The following FGF12 variants were observed in gnomAD, a reference collection of about 807,000 sequenced individuals.
The protein encoded by FGF12 is fibroblast growth factor 12.
FGF12 carries 14 observed loss-of-function variants against 23.6 expected under a neutral mutation model. The observed-to-expected ratio is 0.59, with a 90% CI of 0.39 to 0.93. FGF12 has a LOEUF of 0.93. Among genes scored for constraint, FGF12 ranks in the 40% least tolerant of loss-of-function variants. The pLI is 0.00. For missense variants in FGF12, 175 were observed against 217.8 expected (o/e 0.80, Z 1.24); for synonymous variants, 62 against 77.3 (o/e 0.80, Z 1.04).
intron 2 of FGF12, among the ~76,000 whole-genome samples, chr3:192,479,232 C>A (rs1723411643): frequency 6.6e-6 from 1 of 152,168 alleles, no homozygotes; most frequent in Non-Finnish European, 1.5e-5. Context: ...GAGACTATAT[C>A]AGTGCCATCT....
At chr3:192,671,765 G>C (rs953006889) in intron 2 of FGF12, among the ~76,000 whole-genome samples, 1 of 146,250 alleles carries the variant, frequency 6.8e-6, no homozygotes, top group Non-Finnish European at 1.5e-5. Context: ...AGCATCTTGT[G>C]CTTCTTGACC....
chr3:192,441,181 T>C (rs1239545790), intron 2 of FGF12, among the ~76,000 whole-genome samples: 1 of 152,198 alleles, frequency 6.6e-6, no homozygotes, highest in Non-Finnish European at 1.5e-5. Flanking sequence ...GCCTCCATTA[T>C]AAATATTGAA....
At chr3:192,329,178 C>A (rs191278884) in intron 4 of FGF12, among the ~76,000 whole-genome samples, 142 of 152,186 alleles carry the variant, frequency 9.3e-4, no homozygotes, top group Admixed American at 2.6e-3. Flanking sequence ...TTCCTGCCCA[C>A]CAGCAAAATA....
intron 3 of FGF12, among the ~76,000 whole-genome samples, chr3:192,349,256 G>C (rs577861269): frequency 3.3e-5 from 5 of 152,136 alleles, no homozygotes; most frequent in African/African-American, 1.2e-4. Flanking sequence ...ACAGGATATG[G>C]ATATAGTAGA....
At chr3:192,626,043 G>A (rs1336380240) in intron 2 of FGF12, among the ~76,000 whole-genome samples, 1 of 152,118 alleles carries the variant, frequency 6.6e-6, no homozygotes, top group Non-Finnish European at 1.5e-5. Flanking sequence ...TCTTTGCTCT[G>A]ACAGTGCTGC....
At chr3:192,598,298 A>C (rs1713952133) in intron 2 of FGF12, among the ~76,000 whole-genome samples, 1 of 152,232 alleles carries the variant, frequency 6.6e-6, no homozygotes, top group African/African-American at 2.4e-5. Flanking sequence ...TTATTGGAAA[A>C]GAATATTTTA....
chr3:192,215,766 G>T (rs1049180180), intron 4 of FGF12, among the ~76,000 whole-genome samples: 3 of 152,070 alleles, frequency 2.0e-5, no homozygotes, highest in African/African-American at 7.2e-5. Flanking sequence ...ATCTTTTACT[G>T]GTGGTAGACA....
chr3:192,617,284 T>A (rs555059502), intron 2 of FGF12, among the ~76,000 whole-genome samples: 65 of 152,088 alleles, frequency 4.3e-4, no homozygotes, highest in Admixed American at 1.1e-3. Context: ...AAAAACATAA[T>A]GGTGTAGATA....
chr3:192,206,395 G>T (rs927047425), intron 4 of FGF12, among the ~76,000 whole-genome samples: 8 of 152,216 alleles, frequency 5.3e-5, no homozygotes, highest in Non-Finnish European at 8.8e-5. Context: ...GAGAATAATA[G>T]AATCTACTCA....
chr3:192,668,518 A>G (rs1577110401), intron 2 of FGF12, among the ~76,000 whole-genome samples: 1 of 152,150 alleles, frequency 6.6e-6, no homozygotes, highest in East Asian at 1.9e-4. Flanking sequence ...GTGGCCAGAA[A>G]TGTGCCACTC....
At chr3:192,510,723 T>C (rs746087040) in intron 2 of FGF12, among the ~76,000 whole-genome samples, 1 of 152,218 alleles carries the variant, frequency 6.6e-6, no homozygotes, top group Non-Finnish European at 1.5e-5. Context: ...GCAGCCAAGA[T>C]GTTCTTTAGT....
At chr3:192,527,881 T>G (rs1316007243) in intron 2 of FGF12, among the ~76,000 whole-genome samples, 1 of 152,140 alleles carries the variant, frequency 6.6e-6, no homozygotes, top group Non-Finnish European at 1.5e-5. Context: ...AAACTCCCCC[T>G]TATATAATCA....
chr3:192,362,131 G>A (rs936257075), intron 2 of FGF12, among the ~76,000 whole-genome samples: 65 of 152,244 alleles, frequency 4.3e-4, no homozygotes, highest in African/African-American at 1.5e-3. Context: ...AGAAATAGAA[G>A]AATGGATTTG....
intron 2 of FGF12, among the ~76,000 whole-genome samples, chr3:192,475,343 A>G (rs958437760): frequency 1.1e-4 from 17 of 152,162 alleles, no homozygotes; most frequent in African/African-American, 4.1e-4. Context: ...TATCCAAGGA[A>G]GACCTTTCCC....
chr3:192,686,815 ATTTTTTTTTTTTTTT>A (rs57045697), intron 2 of FGF12, among the ~76,000 whole-genome samples: 10 of 61,436 alleles, frequency 1.6e-4, no homozygotes, highest in African/African-American at 4.9e-4. Context: ...TTTTTCTCTA[ATTTTTTTTTTTTTTT>A]TTTTTTTTTT....
At chr3:192,401,516 T>C (rs1720759126) in intron 2 of FGF12, among the ~76,000 whole-genome samples, 2 of 152,236 alleles carry the variant, frequency 1.3e-5, no homozygotes, top group Non-Finnish European at 1.5e-5. Flanking sequence ...AGGGCCTCTG[T>C]ACTGTATGGT....
chr3:192,408,249 C>T lies in FGF12; in HGVS notation c.14-47711G>A. Reference sequence around the variant, plus strand: ...AGCTGCTCAGCGAGGGCCTCAGGCCCCAGCCTCTACTGCGCCCTCCGGCTT... The same window carrying T: ...AGCTGCTCAGCGAGGGCCTCAGGCCTCAGCCTCTACTGCGCCCTCCGGCTT... On this transcript the variant is annotated intron_variant, in intron 2 of 5. Transcript: ENST00000445105. This position sits in a 1 kb window ranked among gnomAD's most constrained non-coding sequence, Gnocchi z 7.3. 1 of 1,568,952 alleles carries T rather than the reference C, an allele frequency of 6.4e-7. No homozygotes were observed. Among genetic ancestry groups the T allele is most frequent in the Non-Finnish European group, 8.6e-7 (1 of 1,161,604 alleles).
At chr3:192,713,098 A>C (rs1375087876) in intron 2 of FGF12, among the ~76,000 whole-genome samples, 3 of 147,836 alleles carry the variant, frequency 2.0e-5, no homozygotes, top group Admixed American at 1.4e-4. Flanking sequence ...AAATCTTATG[A>C]CAAAAGTAAT....
intron 2 of FGF12, among the ~76,000 whole-genome samples, chr3:192,633,792 T>A (rs1715483202): frequency 6.6e-6 from 1 of 152,180 alleles, no homozygotes; most frequent in African/African-American, 2.4e-5. Context: ...AGGGTTTTTG[T>A]TGCTCATGAT....
Sources: allele counts gnomAD v4.1 joint callset (sites outside exome capture counted in the v4.1 genomes callset), GRCh38; gene constraint gnomAD v4.1.1; non-coding constraint Gnocchi (gnomAD v3.1); transcripts MANE v1.5; gene names NCBI Gene and HGNC (gene_info 2026-07-23, HGNC 2026-07-21).